Variants in PDE8B observed in about 807,000 individuals in gnomAD.
The protein encoded by PDE8B is high affinity cAMP-specific and IBMX-insensitive 3',5'-cyclic phosphodiesterase 8B.
In PDE8B, 26 loss-of-function variants were observed where a neutral mutation model predicts 101.3. The observed-to-expected ratio is 0.26, with a 90% CI of 0.19 to 0.36. PDE8B has a LOEUF of 0.36. Ranked by LOEUF, PDE8B falls within the 10% of genes least tolerant of loss-of-function variation. The pLI is 1.00. For synonymous variants in PDE8B, 424 were observed against 429.3 expected (o/e 0.99, Z 0.15); for missense variants, 810 against 1,163.1 (o/e 0.70, Z 4.42).
intron 1 of PDE8B, among the ~76,000 whole-genome samples, chr5:77,268,548 C>A (rs1372652427): frequency 6.6e-6 from 1 of 151,636 alleles, no homozygotes; most frequent in Admixed American, 6.6e-5. Flanking sequence ...TCATCCTACT[C>A]TCTGTCTCTA....
chr5:77,219,158 T>C (rs1750507685), intron 1 of PDE8B, among the ~76,000 whole-genome samples: 1 of 152,222 alleles, frequency 6.6e-6, no homozygotes, highest in South Asian at 2.1e-4. Context: ...TGTGGAATTC[T>C]TTGGTATAAA....
intron 1 of PDE8B, among the ~76,000 whole-genome samples, chr5:77,275,356 ATCTT>A (rs1561454977): frequency 6.6e-6 from 1 of 151,266 alleles, no homozygotes; most frequent in African/African-American, 2.4e-5. Context: ...TGCCCATACA[ATCTT>A]TCTTTTCTTT....
At chr5:77,239,433 G>C (rs1317638169) in intron 1 of PDE8B, among the ~76,000 whole-genome samples, 1 of 152,190 alleles carries the variant, frequency 6.6e-6, no homozygotes, top group Non-Finnish European at 1.5e-5. Context: ...TGGAGGTGAT[G>C]CTAGCAGTAC....
chr5:77,370,843 A>G (rs1374821934), intron 10 of PDE8B, among the ~76,000 whole-genome samples: 1 of 152,212 alleles, frequency 6.6e-6, no homozygotes, highest in Non-Finnish European at 1.5e-5. Context: ...TTACAATTGT[A>G]GCCATTTTAT....
the PDE8B span, among the ~76,000 whole-genome samples, chr5:77,185,545 G>A: frequency 1.3e-5 from 2 of 152,096 alleles, no homozygotes; most frequent in Non-Finnish European, 2.9e-5. Context: ...GAGGTACTGG[G>A]AGTTAGGACT....
chr5:77,372,279 T>A (rs1368361054), intron 10 of PDE8B, among the ~76,000 whole-genome samples: 1 of 152,196 alleles, frequency 6.6e-6, no homozygotes. Flanking sequence ...TTGATGGATT[T>A]GTTAGTTTCA....
rs887593950 is a variant in PDE8B, at chr5:77,427,581, C to T, written c.*1027C>T. 1.3e-5 allele frequency: 2 copies of T among 152,008 alleles called. No homozygotes were observed. The highest frequency in any genetic ancestry group is 2.9e-5 in the Non-Finnish European group (2 of 67,992). 9.4% of individuals were successfully genotyped at this position (152,008 alleles called of 1,614,324 possible). A position where few individuals can be genotyped will look rare whatever the true frequency, so the allele number is the denominator to read the frequency against. On this transcript the variant is annotated 3_prime_UTR_variant, in exon 22 of 22. Coordinates refer to ENST00000264917, the MANE Select transcript of PDE8B (RefSeq NM_003719.5). ...AACCAGTCTATATTTGAAATCATGCCATTAGCTTTAACAATGTTAAAATTG... is the reference window on the plus strand; with the variant it reads ...AACCAGTCTATATTTGAAATCATGCTATTAGCTTTAACAATGTTAAAATTG...
intron 1 of PDE8B, among the ~76,000 whole-genome samples, chr5:77,230,352 G>A (rs1753314757): frequency 1.3e-5 from 2 of 152,154 alleles, no homozygotes; most frequent in Admixed American, 1.3e-4. Flanking sequence ...CAAAGTACAG[G>A]CACCACTTCT....
chr5:77,245,447 A>T (rs921964420), intron 1 of PDE8B, among the ~76,000 whole-genome samples: 2 of 152,232 alleles, frequency 1.3e-5, no homozygotes, highest in Non-Finnish European at 2.9e-5. Context: ...TAGTATCATT[A>T]TCATTAACAA....
the PDE8B span, among the ~76,000 whole-genome samples, chr5:77,095,770 A>G: frequency 6.6e-6 from 1 of 152,196 alleles, no homozygotes; most frequent in Admixed American, 6.5e-5. Flanking sequence ...AACTTTCTGT[A>G]AAGTATCGAT....
intron 10 of PDE8B, among the ~76,000 whole-genome samples, chr5:77,370,913 G>A (rs1056866787): frequency 2.6e-5 from 4 of 152,128 alleles, no homozygotes; most frequent in East Asian, 1.9e-4. Context: ...ACAATTTTTC[G>A]TGTGCTATTG....
At chr5:77,327,978 C>G (rs1390117361) in intron 3 of PDE8B, among the ~76,000 whole-genome samples, 1 of 152,184 alleles carries the variant, frequency 6.6e-6, no homozygotes, top group Non-Finnish European at 1.5e-5. Flanking sequence ...TACGAGCTGG[C>G]TGTCCCTTGG....
At chr5:77,128,575 A>G in the PDE8B span, among the ~76,000 whole-genome samples, 14 of 152,216 alleles carry the variant, frequency 9.2e-5, no homozygotes, top group African/African-American at 3.4e-4. Flanking sequence ...GGGCTGAGGC[A>G]AGGTCAGGTT....
chr5:77,345,631 C>T (rs1381249517), intron 7 of PDE8B, among the ~76,000 whole-genome samples: 2 of 152,230 alleles, frequency 1.3e-5, no homozygotes, highest in Non-Finnish European at 1.5e-5. Context: ...ACATGAATGT[C>T]ATCCTCCTAA....
At chr5:77,246,355 G>A (rs533903876) in intron 1 of PDE8B, among the ~76,000 whole-genome samples, 11 of 152,272 alleles carry the variant, frequency 7.2e-5, no homozygotes, top group Admixed American at 5.9e-4. Flanking sequence ...GGACTCCTCC[G>A]CCATCTGAGG....
At chr5:77,299,339 G>A (rs528898350) in intron 1 of PDE8B, among the ~76,000 whole-genome samples, 8 of 151,572 alleles carry the variant, frequency 5.3e-5, no homozygotes, top group African/African-American at 7.3e-5. Flanking sequence ...TGTTACATAC[G>A]TATACATGTG....
intron 10 of PDE8B, among the ~76,000 whole-genome samples, chr5:77,377,180 G>T (rs555011442): frequency 6.6e-6 from 1 of 152,260 alleles, no homozygotes; most frequent in East Asian, 1.9e-4. Context: ...AGCTTCAGAG[G>T]AAAGGAAACT....
chr5:77,112,484 A>G, the PDE8B span: 3 of 152,018 alleles, frequency 2.0e-5, no homozygotes, highest in African/African-American at 4.8e-5. Context: ...ATTTTGTTCT[A>G]TTTCTCCACT....
the PDE8B span, among the ~76,000 whole-genome samples, chr5:77,097,685 T>TTATATATATATATATA: frequency 1.9e-3 from 34 of 18,114 alleles, 3 homozygotes; most frequent in Non-Finnish European, 3.6e-3. Context: ...TGTGGAGATT[T>TTATATATATATATATA]TATATATCTA....
Sources: gnomAD v4.1 joint callset for allele counts (sites outside exome capture counted in the v4.1 genomes callset) on GRCh38, gnomAD v4.1.1 for gene constraint, MANE v1.5 for transcripts, NCBI Gene and HGNC (gene_info 2026-07-23, HGNC 2026-07-21) for gene names.